NRXN3: variants seen among roughly 807,000 people sequenced by gnomAD.
NRXN3 encodes the protein neurexin III.
A neutral mutation model predicts 137.6 loss-of-function variants in NRXN3; 32 were observed. The ratio of observed to expected loss-of-function variants is 0.23; its 90% CI spans 0.18 to 0.31. The LOEUF (loss-of-function observed/expected upper bound fraction) is 0.31. NRXN3 is among the 10% of genes least tolerant of loss of function. The pLI is 1.00. For missense variants in NRXN3, 1,574 were observed against 2,062.5 expected (o/e 0.76, Z 4.59); for synonymous variants, 798 against 784.5 (o/e 1.02, Z -0.29).
chr14:78,657,974 C>T (rs1016860651), intron 6 of NRXN3, among the ~76,000 whole-genome samples: 22 of 152,082 alleles, frequency 1.4e-4, no homozygotes, highest in African/African-American at 5.3e-4. Context: ...ACTCATTTTC[C>T]TCCCTCTTCC....
intron 6 of NRXN3, among the ~76,000 whole-genome samples, chr14:78,664,596 T>C (rs1488857490): frequency 1.3e-5 from 2 of 152,250 alleles, no homozygotes; most frequent in South Asian, 2.1e-4. Context: ...CTCTGAACTC[T>C]AGGATCCTTA....
At chr14:79,860,914 C>G (rs2099412763) in intron 20 of NRXN3, 1 of 604,008 alleles carries the variant, frequency 1.7e-6, no homozygotes, top group Non-Finnish European at 2.5e-6. Context: ...AATGATTAGA[C>G]TCCATCCAGA....
At chr14:78,305,241 C>G (rs1199847621) in intron 4 of NRXN3, among the ~76,000 whole-genome samples, 1 of 152,048 alleles carries the variant, frequency 6.6e-6, no homozygotes, top group Non-Finnish European at 1.5e-5. Flanking sequence ...AGAGAATGAC[C>G]TGGGAGAGAG....
At chr14:79,208,624 C>T (rs2067155518) in intron 15 of NRXN3, among the ~76,000 whole-genome samples, 1 of 152,132 alleles carries the variant, frequency 6.6e-6, no homozygotes, top group Non-Finnish European at 1.5e-5. Context: ...TCTGTGGTCA[C>T]TGTTTCAGGT....
At chr14:78,255,506 G>C (rs1007893252) in intron 2 of NRXN3, among the ~76,000 whole-genome samples, 2 of 152,232 alleles carry the variant, frequency 1.3e-5, no homozygotes, top group Non-Finnish European at 2.9e-5. Flanking sequence ...TCCTCGTGTA[G>C]AATATATAAC....
chr14:78,439,786 G>T (rs2094185401), intron 4 of NRXN3, among the ~76,000 whole-genome samples: 1 of 152,220 alleles, frequency 6.6e-6, no homozygotes, highest in South Asian at 2.1e-4. Flanking sequence ...TGGAGCTGGG[G>T]TCTCTTACTT....
intron 11 of NRXN3, among the ~76,000 whole-genome samples, chr14:78,959,283 A>C (rs1040333062): frequency 2.6e-5 from 4 of 152,200 alleles, no homozygotes; most frequent in African/African-American, 7.2e-5. Context: ...ATCATTCACT[A>C]TAGCCTTTAA....
At chr14:78,830,281 C>T (rs551238594) in intron 10 of NRXN3, among the ~76,000 whole-genome samples, 2 of 152,106 alleles carry the variant, frequency 1.3e-5, no homozygotes, top group Non-Finnish European at 2.9e-5. Context: ...GGTAAATAGG[C>T]TTGACAAACT....
At chr14:79,247,217 C>A (rs1223933125) in intron 15 of NRXN3, 1 of 152,114 alleles carries the variant, frequency 6.6e-6, no homozygotes, top group Non-Finnish European at 1.5e-5. Context: ...CTCCCCACCC[C>A]CTGCTACCTA....
At chr14:79,084,982 G>A (rs936799636) in intron 15 of NRXN3, among the ~76,000 whole-genome samples, 3 of 152,130 alleles carry the variant, frequency 2.0e-5, no homozygotes, top group Non-Finnish European at 2.9e-5. Context: ...AGGCTTAAGA[G>A]CTGACGAGAC....
At chr14:78,576,792 G>T (rs540678856) in intron 4 of NRXN3, among the ~76,000 whole-genome samples, 7 of 152,084 alleles carry the variant, frequency 4.6e-5, no homozygotes, top group Non-Finnish European at 1.0e-4. Context: ...GAAAACTTGG[G>T]GCAAAATTTG....
In NRXN3 at chr14:79,578,598, C is replaced by T. The variant is rs573490685; in HGVS notation, c.3445-85180C>T. Among the ~76,000 whole-genome samples the T allele has an allele frequency of 5.9e-5, 9 of 152,258 alleles. No homozygotes were observed. The South Asian group carries it at 1.9e-3, about 32-fold the overall frequency. ...AGATGTGGCTCCTACTAGGCATGCT[C>T]CTCCTAGGGCTAAAAGATTTCTTCC... On this transcript the variant is annotated intron_variant, in intron 16 of 20. Coordinates refer to ENST00000335750, the MANE Select transcript of NRXN3 (RefSeq NM_001330195.2).
At chr14:79,076,413 G>GC (rs2045977139) in intron 15 of NRXN3, among the ~76,000 whole-genome samples, 1 of 152,182 alleles carries the variant, frequency 6.6e-6, no homozygotes, top group South Asian at 2.1e-4. Context: ...CGAGGTGACA[G>GC]CCAGGGCTTC....
At chr14:79,775,940 T>C (rs1259741118) in intron 19 of NRXN3, among the ~76,000 whole-genome samples, 1 of 152,162 alleles carries the variant, frequency 6.6e-6, no homozygotes, top group Non-Finnish European at 1.5e-5. Flanking sequence ...TATGGCATCA[T>C]TGTAGTCCCA....
intron 6 of NRXN3, among the ~76,000 whole-genome samples, chr14:78,686,077 CTTCT>C (rs561312874): frequency 1.4e-3 from 216 of 152,294 alleles, no homozygotes; most frequent in African/African-American, 5.1e-3. Context: ...CGTAAATTCA[CTTCT>C]TTATTTGCCC....
At chr14:78,836,517 T>C (rs774576750) in intron 10 of NRXN3, among the ~76,000 whole-genome samples, 6 of 152,208 alleles carry the variant, frequency 3.9e-5, no homozygotes, top group African/African-American at 9.6e-5. Context: ...TTCATAAGCA[T>C]GTGCAGTAAT....
intron 16 of NRXN3, among the ~76,000 whole-genome samples, chr14:79,584,897 G>A (rs2097753720): frequency 6.6e-6 from 1 of 152,194 alleles, no homozygotes. Context: ...TGAACATGTG[G>A]CCTCCCAAAC....
chr14:79,645,047 C>T (rs1271057351), intron 16 of NRXN3, among the ~76,000 whole-genome samples: 1 of 135,786 alleles, frequency 7.4e-6, no homozygotes, highest in African/African-American at 2.4e-5. Flanking sequence ...ATTGGACCAT[C>T]TCCTCTGTGT....
chr14:78,215,860 C>T (rs2063220318), intron 1 of NRXN3, among the ~76,000 whole-genome samples: 1 of 152,104 alleles, frequency 6.6e-6, no homozygotes, highest in Non-Finnish European at 1.5e-5. Context: ...GACCCCGTTC[C>T]TGCTTCTTCC....
Sources: gnomAD v4.1 joint callset for allele counts (sites outside exome capture counted in the v4.1 genomes callset) on GRCh38, gnomAD v4.1.1 for gene constraint, MANE v1.5 for transcripts, NCBI Gene and HGNC (gene_info 2026-07-23, HGNC 2026-07-21) for gene names.